The following TMPRSS13 variants were observed in gnomAD, a reference collection of about 807,000 sequenced individuals.
TMPRSS13 encodes transmembrane serine protease 13, also known as transmembrane protease serine 13.
Under a neutral mutation model 68.4 loss-of-function variants are expected in TMPRSS13, and 50 were observed. That is an observed-to-expected ratio of 0.73 (90% CI 0.58 to 0.93). The LOEUF is 0.93. TMPRSS13 is among the 40% of genes least tolerant of loss of function. The pLI is 0.00. For synonymous variants in TMPRSS13, 267 were observed against 285.8 expected, an observed-to-expected ratio of 0.93 and a Z score of 0.66; for missense variants, 615 against 729.2, an observed-to-expected ratio of 0.84 and a Z score of 1.80.
rs768160167 is a variant in TMPRSS13 at position 117,917,281 on chromosome 11, G to A, written c.452-7C>T. 3.7e-6 allele frequency: 6 copies of A among 1,608,032 alleles called. No homozygotes were observed. In the East Asian group the frequency reaches 1.1e-4, roughly 30 times the overall value. ...AACTTGGGCAGGCTCGTACCTAGGAGCAGGGCGGCAGCAGGGGAATATGAG... is the reference window on the plus strand; with the variant it reads ...AACTTGGGCAGGCTCGTACCTAGGAACAGGGCGGCAGCAGGGGAATATGAG... On this transcript the variant is annotated splice_polypyrimidine_tract_variant and splice_region_variant and intron_variant, in intron 2 of 12. Coordinates refer to ENST00000524993, the MANE Select transcript of TMPRSS13 (RefSeq NM_001077263.3).
chr11:117,921,854 A>T (rs960945723), intron 1 of TMPRSS13, among the ~76,000 whole-genome samples: 1 of 152,144 alleles, frequency 6.6e-6, no homozygotes, highest in Non-Finnish European at 1.5e-5. Flanking sequence ...GAGAACTACA[A>T]GTCCCAACAG....
At chr11:117,908,811 C>A in intron 8 of TMPRSS13, 27 bp from the exon 9 acceptor site, 2 of 1,562,890 alleles carry the variant, frequency 1.3e-6, no homozygotes, top group Non-Finnish European at 8.7e-7. Flanking sequence ...GGAGCGTGGT[C>A]CAGTACCTGC....
At chr11:117,916,561 G>A (rs967862754) in intron 3 of TMPRSS13, among the ~76,000 whole-genome samples, 3 of 152,232 alleles carry the variant, frequency 2.0e-5, no homozygotes, top group Non-Finnish European at 2.9e-5. Flanking sequence ...GCTGCCTAAA[G>A]TTTCCCACTG....
At chr11:117,924,023 A>G (rs559568611) in intron 1 of TMPRSS13, among the ~76,000 whole-genome samples, 2 of 151,730 alleles carry the variant, frequency 1.3e-5, no homozygotes, top group African/African-American at 4.8e-5. Context: ...TGGGCATATC[A>G]CAGGCTGTCA....
At position 117,914,859 on chromosome 11, in the gene TMPRSS13, C is replaced by G. The variant is rs2057559977; in HGVS notation, c.557-345G>C. On this transcript the variant is annotated intron_variant, in intron 3 of 12. Transcript: ENST00000524993. This position sits in a 1 kb window ranked among gnomAD's most constrained non-coding sequence, Gnocchi z 4.2. ...ATAGTGGCCAGAGAAACCACCTCCT[C>G]CAGTATCCCAGAGCTTCCCTCTCAG... 6.6e-6 allele frequency among the ~76,000 whole-genome samples: 1 copy of G among 152,178 alleles called. No individual in the cohort carries two copies. Among genetic ancestry groups the G allele is most frequent in the African/African-American group, 2.4e-5 (1 of 41,434 alleles).
intron 9 of TMPRSS13, among the ~76,000 whole-genome samples, chr11:117,906,638 C>T (rs2057467100): frequency 6.6e-6 from 1 of 152,186 alleles, no homozygotes; most frequent in Non-Finnish European, 1.5e-5. Context: ...ACATTGGTGT[C>T]TACCTCACTT....
chr11:117,911,633 C>T, intron 6 of TMPRSS13, 135 bp downstream of exon 6: 1 of 653,182 alleles, frequency 1.5e-6, no homozygotes, highest in Non-Finnish European at 2.6e-6. Flanking sequence ...TCCAAGATGC[C>T]CCTGAACACT....
At chr11:117,912,902 A>T (rs1380618201) in intron 5 of TMPRSS13, among the ~76,000 whole-genome samples, 1 of 152,194 alleles carries the variant, frequency 6.6e-6, no homozygotes, top group Non-Finnish European at 1.5e-5. Flanking sequence ...CTGAATACCT[A>T]AAGGAGGTTC....
chr11:117,904,756 C>G (rs2057446194), intron 10 of TMPRSS13, among the ~76,000 whole-genome samples: 1 of 151,462 alleles, frequency 6.6e-6, no homozygotes, highest in Non-Finnish European at 1.5e-5. Flanking sequence ...TAAGGCCAGA[C>G]AAAAACAAGG....
In TMPRSS13 at chr11:117,918,601, CTGGAGATGCCTGGG is replaced by C; in HGVS notation, c.245_258del (p.Ala82GlyfsTer37). The stretch of plus-strand genomic sequence containing the variant: ...GATGCCAGAGCCGGAGATGCCCGGG[CTGGAGATGCCTGGG>C]CTGGAGATGCCTGGGCTGGAGATGC... On this transcript the variant is annotated frameshift_variant, in exon 2 of 13. Coordinates refer to ENST00000524993, the MANE Select transcript of TMPRSS13 (RefSeq NM_001077263.3). LOFTEE classifies it high-confidence loss of function. The C allele has an allele frequency of 8.6e-6, 1 of 116,104 alleles. No homozygotes were observed. The highest frequency in any genetic ancestry group is 1.2e-5 in the Non-Finnish European group (1 of 84,914). 7.2% of individuals were successfully genotyped at this position (116,104 alleles called of 1,614,324 possible).
At chr11:117,916,421 ACC>A (rs1354114951) in intron 3 of TMPRSS13, among the ~76,000 whole-genome samples, 1 of 152,110 alleles carries the variant, frequency 6.6e-6, no homozygotes, top group African/African-American at 2.4e-5. Flanking sequence ...CCTGCATCCA[ACC>A]CACACAGCTG....
At chr11:117,924,562 G>A (rs145030777) in intron 1 of TMPRSS13, among the ~76,000 whole-genome samples, 5 of 152,254 alleles carry the variant, frequency 3.3e-5, no homozygotes, top group South Asian at 2.1e-4. Context: ...AAGCACTGGC[G>A]GCACTGAGAA....
chr11:117,917,060 C>T (rs1462091050), intron 3 of TMPRSS13, 110 bp downstream of exon 3: 50 of 886,488 alleles, frequency 5.6e-5, no homozygotes, highest in African/African-American at 6.6e-5. Flanking sequence ...ACACAGTAGC[C>T]GGGTGAGTGG....
chr11:117,904,179 C>T (rs1446214594), intron 10 of TMPRSS13, 78 bp from the exon 11 acceptor site: 3 of 1,532,614 alleles, frequency 2.0e-6, no homozygotes, highest in Non-Finnish European at 8.8e-7. Context: ...CGTCCAGCTG[C>T]CACCCCAAGA....
At chr11:117,929,208 TG>T in intron 1 of TMPRSS13, 78 bp downstream of exon 1, 1 of 1,255,308 alleles carries the variant, frequency 8.0e-7, no homozygotes, top group Non-Finnish European at 1.1e-6. Flanking sequence ...CAGAGGTAGC[TG>T]TCCCACCTGT....
rs59590191 is a variant in TMPRSS13 at position 117,903,679 on chromosome 11, A to G, written c.1653T>C (p.Leu551=). ...PGVYTKVTEV[L]PWIYSKMESE... Reference sequence around the variant, plus strand: ...CCTCCATCTTGCTGTAAATCCAGGGAAGAACTTCTGTCACTTTGGTGTACA... The same window carrying G: ...CCTCCATCTTGCTGTAAATCCAGGGGAGAACTTCTGTCACTTTGGTGTACA... The change falls in exon 12 of 13, where the codon CTT becomes CTC. Residue 551 remains leucine, a synonymous_variant. Coordinates refer to ENST00000524993, the MANE Select transcript of TMPRSS13 (RefSeq NM_001077263.3). The G allele has an allele frequency of 0.14, 233,170 of 1,613,934 alleles. 18,101 individuals are homozygous for G. The highest frequency in any genetic ancestry group is 0.27 in the African/African-American group (20,186 of 75,030).
intron 10 of TMPRSS13, among the ~76,000 whole-genome samples, chr11:117,904,404 G>A (rs897928247): frequency 6.6e-5 from 10 of 152,224 alleles, no homozygotes; most frequent in Non-Finnish European, 1.0e-4. Flanking sequence ...ACTTGCCTAC[G>A]TTCAAAGCAC....
At chr11:117,908,994 C>T (rs1345860857) in intron 8 of TMPRSS13, among the ~76,000 whole-genome samples, 1 of 152,134 alleles carries the variant, frequency 6.6e-6, no homozygotes. Context: ...CAGCTCTGCA[C>T]CTTACAGTAA....
At position 117,903,660 on chromosome 11, in the gene TMPRSS13, T is replaced by A; in HGVS notation, c.1672A>T (p.Met558Leu). 6.2e-7 allele frequency: 1 copy of A among 1,614,182 alleles called. No individual in the cohort carries two copies. Among genetic ancestry groups the A allele is most frequent in the Non-Finnish European group, 8.5e-7 (1 of 1,180,024 alleles). The change falls in exon 12 of 13, where the codon ATG (methionine) becomes TTG (leucine). Residue 558 changes from methionine (M) to leucine (L), a missense_variant. Physicochemically the swap from Met to Leu is conservative, Grantham distance 15. Coordinates refer to ENST00000524993, the MANE Select transcript of TMPRSS13 (RefSeq NM_001077263.3). Reference protein sequence around the residue: ...TEVLPWIYSKMESEVRFRKS With the variant: ...TEVLPWIYSKLESEVRFRKS ...TCCTGCTGCAGGGATCTTACCTCCA[T>A]CTTGCTGTAAATCCAGGGAAGAACT...
Sources: allele counts gnomAD v4.1 joint callset (sites outside exome capture counted in the v4.1 genomes callset), GRCh38; gene constraint gnomAD v4.1.1; non-coding constraint Gnocchi (gnomAD v3.1); transcripts MANE v1.5; gene names NCBI Gene and HGNC (gene_info 2026-07-23, HGNC 2026-07-21).